Variants in SLC35F4 observed in about 807,000 individuals in gnomAD.
The protein encoded by SLC35F4 is solute carrier family 35 member F4.
Under a neutral mutation model 44.2 loss-of-function variants are expected in SLC35F4, and 24 were observed. The observed-to-expected ratio is 0.54, with a 90% CI of 0.39 to 0.76. The LOEUF (loss-of-function observed/expected upper bound fraction) is 0.76. Among genes scored for constraint, SLC35F4 ranks in the 30% least tolerant of loss-of-function variants. The pLI, the probability that SLC35F4 is intolerant of heterozygous loss-of-function variation, is 0.00. For synonymous variants in SLC35F4, 238 were observed against 223.6 expected, an observed-to-expected ratio of 1.06 and a Z score of -0.57; for missense variants, 562 against 586.1, an observed-to-expected ratio of 0.96 and a Z score of 0.42.
intron 1 of SLC35F4, among the ~76,000 whole-genome samples, chr14:57,816,029 G>A (rs995957712): frequency 6.6e-6 from 1 of 152,106 alleles, no homozygotes. Flanking sequence ...AAATTTGGGG[G>A]TCTGGCCTAA....
intron 7 of SLC35F4, among the ~76,000 whole-genome samples, chr14:57,566,065 G>A (rs865777854): frequency 3.3e-5 from 5 of 152,116 alleles, no homozygotes; most frequent in South Asian, 4.1e-4. Flanking sequence ...AGAGCTTTCC[G>A]TGGCTCCCCA....
At chr14:57,972,544 G>GGA (rs1428395948), downstream of SLC35F4, among the ~76,000 whole-genome samples, 6 of 143,408 alleles carry the variant, frequency 4.2e-5, no homozygotes, top group East Asian at 6.0e-4. Flanking sequence ...TGCTGAAGTG[G>GGA]AAAAAAAAAA....
At chr14:57,680,026 G>T (rs542905136) in intron 1 of SLC35F4, among the ~76,000 whole-genome samples, 3 of 152,178 alleles carry the variant, frequency 2.0e-5, no homozygotes, top group Non-Finnish European at 4.4e-5. Context: ...CATTTTATGA[G>T]GCTAGCATCA....
In SLC35F4 at chr14:57,924,377, G is replaced by A. The variant is rs372498542; in HGVS notation, n.282+57536C>T. ...GGCAAAGGGGAGCCCTGTGTACAGA[G>A]ATAACATGCAAAAGAGAGAGAGAAA... is the stretch of plus-strand genomic sequence containing the variant. On this transcript the variant is annotated intron_variant and non_coding_transcript_variant, in intron 1 of 1. Coordinates refer to the SLC35F4 transcript ENST00000556568. Among the ~76,000 whole-genome samples the A allele has an allele frequency of 7.9e-5, 12 of 152,220 alleles. No individual in the cohort carries two copies. The South Asian group carries it at 1.2e-3, about 16-fold the overall frequency.
At chr14:57,737,590 G>A (rs62003374) in intron 1 of SLC35F4, among the ~76,000 whole-genome samples, 2 of 152,000 alleles carry the variant, frequency 1.3e-5, no homozygotes, top group Non-Finnish European at 2.9e-5. Flanking sequence ...AGCTGTGGAC[G>A]TAAGTACTCA....
chr14:57,638,829 C>T (rs756697266), intron 1 of SLC35F4, among the ~76,000 whole-genome samples: 67 of 152,042 alleles, frequency 4.4e-4, no homozygotes, highest in Non-Finnish European at 7.9e-4. Context: ...CACTCTAAAT[C>T]TACATAGTTT....
chr14:57,917,391 C>A (rs1173258320), intron 1 of SLC35F4, among the ~76,000 whole-genome samples: 1 of 152,078 alleles, frequency 6.6e-6, no homozygotes, highest in Non-Finnish European at 1.5e-5. Context: ...TTTCTCCTTG[C>A]ATGTTGTCTA....
At chr14:57,612,369 C>A (rs2071564552) in intron 1 of SLC35F4, among the ~76,000 whole-genome samples, 1 of 152,170 alleles carries the variant, frequency 6.6e-6, no homozygotes, top group Non-Finnish European at 1.5e-5. Context: ...TTTTCTCTAG[C>A]CTGGTTGATG....
intron 1 of SLC35F4, among the ~76,000 whole-genome samples, chr14:57,738,936 T>C (rs1807264789): frequency 1.3e-5 from 2 of 151,688 alleles, no homozygotes; most frequent in Non-Finnish European, 2.9e-5. Flanking sequence ...TTGTTCTGGA[T>C]AGCTATCCTC....
chr14:57,635,068 A>C (rs1366946171), intron 1 of SLC35F4, among the ~76,000 whole-genome samples: 1 of 151,998 alleles, frequency 6.6e-6, no homozygotes, highest in Non-Finnish European at 1.5e-5. Flanking sequence ...TGGGCATCAT[A>C]GTGAAACTCT....
intron 1 of SLC35F4, among the ~76,000 whole-genome samples, chr14:57,712,261 A>G (rs2075834240): frequency 6.6e-6 from 1 of 151,206 alleles, no homozygotes; most frequent in Non-Finnish European, 1.5e-5. Flanking sequence ...CCAAATCACA[A>G]CTGTAACATG....
At chr14:57,901,518 G>A (rs1889000750) in intron 1 of SLC35F4, among the ~76,000 whole-genome samples, 1 of 151,994 alleles carries the variant, frequency 6.6e-6, no homozygotes. Flanking sequence ...CTGGGGCCTG[G>A]GTAGTGTGGG....
In SLC35F4 at chr14:57,563,983, G is replaced by T; in HGVS notation, c.*152C>A. 1 of 764,248 alleles carries T rather than the reference G, an allele frequency of 1.3e-6. No individual in the cohort carries two copies. The highest frequency in any genetic ancestry group is 2.0e-6 in the Non-Finnish European group (1 of 493,360). 47.3% of individuals were successfully genotyped at this position (764,248 alleles called of 1,614,324 possible). ...ATTATTTACACCAATTCCTTGATAAGCATATAAATGTAAACTTTTATTGTT... is the reference window on the plus strand; with the variant it reads ...ATTATTTACACCAATTCCTTGATAATCATATAAATGTAAACTTTTATTGTT... On this transcript the variant is annotated 3_prime_UTR_variant, in exon 8 of 8. Transcript: ENST00000556826.
chr14:57,954,486 C>A (rs921935807), intron 1 of SLC35F4, among the ~76,000 whole-genome samples: 2 of 152,080 alleles, frequency 1.3e-5, no homozygotes, highest in African/African-American at 4.8e-5. Flanking sequence ...AATCCAGGAG[C>A]TGCGTTTTTG....
At chr14:57,964,781 T>C (rs920204718) in intron 1 of SLC35F4, among the ~76,000 whole-genome samples, 1 of 151,946 alleles carries the variant, frequency 6.6e-6, no homozygotes, top group Non-Finnish European at 1.5e-5. Flanking sequence ...AAGGGTGGCA[T>C]GCATTGGTGA....
intron 1 of SLC35F4, among the ~76,000 whole-genome samples, chr14:57,673,534 C>T (rs891040756): frequency 7.2e-5 from 11 of 152,034 alleles, no homozygotes; most frequent in African/African-American, 2.7e-4. Flanking sequence ...ACCAGCACTC[C>T]AGAAAATTTG....
At chr14:57,912,943 T>C (rs548265941) in intron 1 of SLC35F4, among the ~76,000 whole-genome samples, 1 of 152,246 alleles carries the variant, frequency 6.6e-6, no homozygotes, top group East Asian at 1.9e-4. Context: ...ATTTTGATGC[T>C]CTGTTGTTAG....
At chr14:57,918,559 G>C (rs74488811) in intron 1 of SLC35F4, among the ~76,000 whole-genome samples, 1 of 152,116 alleles carries the variant, frequency 6.6e-6, no homozygotes, top group Non-Finnish European at 1.5e-5. Flanking sequence ...AGTTGACATG[G>C]TCTTATAAAA....
At chr14:57,644,450 CT>C (rs1176900047) in intron 1 of SLC35F4, among the ~76,000 whole-genome samples, 1 of 124,040 alleles carries the variant, frequency 8.1e-6, no homozygotes. Context: ...CCTTTGCCCA[CT>C]TTTTGATGGG....
Sources: allele counts gnomAD v4.1 joint callset (sites outside exome capture counted in the v4.1 genomes callset), GRCh38; gene constraint gnomAD v4.1.1; transcripts MANE v1.5; gene names NCBI Gene and HGNC (gene_info 2026-07-23, HGNC 2026-07-21).